Variants in FHIT observed in about 807,000 individuals in gnomAD.
The protein encoded by FHIT is bis(5'-adenosyl)-triphosphatase.
FHIT carries 19 observed loss-of-function variants against 17.9 expected under a neutral mutation model. That is an observed-to-expected ratio of 1.06 (90% CI 0.74 to 1.56). FHIT has a LOEUF of 1.56. Ranked by LOEUF, FHIT falls within the 40% of genes most tolerant of loss-of-function variation. The pLI, the probability that FHIT is intolerant of heterozygous loss-of-function variation, is 0.00. For missense variants in FHIT, 248 were observed against 189.2 expected, an observed-to-expected ratio of 1.31 and a Z score of -1.82; for synonymous variants, 81 against 69.7, an observed-to-expected ratio of 1.16 and a Z score of -0.81.
At chr3:61,098,381 A>G (rs372992232) in intron 2 of FHIT, among the ~76,000 whole-genome samples, 7 of 152,252 alleles carry the variant, frequency 4.6e-5, no homozygotes, top group African/African-American at 1.7e-4. Context: ...ATTGGGTAGC[A>G]TGATGCCTCC....
intron 3 of FHIT, among the ~76,000 whole-genome samples, chr3:60,903,302 C>T (rs17683604): frequency 0.054 from 8,256 of 152,202 alleles, 269 homozygotes; most frequent in South Asian, 0.094. Context: ...TGAGTATATT[C>T]TTGTGTTAGG....
At chr3:60,387,363 T>C (rs905670139) in intron 5 of FHIT, among the ~76,000 whole-genome samples, 40 of 152,266 alleles carry the variant, frequency 2.6e-4, no homozygotes, top group African/African-American at 9.6e-4. Context: ...TGTTCACCTC[T>C]GTTTCTATTA....
intron 3 of FHIT, among the ~76,000 whole-genome samples, chr3:61,004,144 AAAG>A (rs1559902253): frequency 6.6e-6 from 1 of 152,178 alleles, no homozygotes. Flanking sequence ...TGTGCAAGTG[AAAG>A]AAGGTGAGCA....
chr3:60,441,782 AAATATATAT>A (rs1236830324), intron 5 of FHIT, among the ~76,000 whole-genome samples: 162 of 10,138 alleles, frequency 0.016, no homozygotes, highest in Non-Finnish European at 0.047. Flanking sequence ...ATATGTATAA[AAATATATAT>A]ATATATATAT....
intron 5 of FHIT, among the ~76,000 whole-genome samples, chr3:60,167,876 A>T (rs1338139175): frequency 6.6e-6 from 1 of 152,106 alleles, no homozygotes; most frequent in African/African-American, 2.4e-5. Context: ...ACAGACAAAA[A>T]GCAAAATTAG....
At chr3:60,672,970 A>G (rs146351451) in intron 4 of FHIT, among the ~76,000 whole-genome samples, 2 of 150,322 alleles carry the variant, frequency 1.3e-5, no homozygotes, top group Admixed American at 6.7e-5. Context: ...TAAAATTAAT[A>G]TTATACTATC....
At chr3:60,779,269 C>T (rs1315506384) in intron 4 of FHIT, among the ~76,000 whole-genome samples, 2 of 152,136 alleles carry the variant, frequency 1.3e-5, no homozygotes, top group South Asian at 2.1e-4. Context: ...TCATTAAATG[C>T]TAAACTCATT....
chr3:60,061,068 C>G (rs1037768460), intron 5 of FHIT, among the ~76,000 whole-genome samples: 8 of 152,252 alleles, frequency 5.3e-5, no homozygotes, highest in South Asian at 2.1e-4. Context: ...CTGTCATGCT[C>G]CATTCAGACC....
chr3:60,524,733 G>A (rs1336308068), intron 5 of FHIT, among the ~76,000 whole-genome samples: 6 of 151,990 alleles, frequency 3.9e-5, no homozygotes, highest in East Asian at 1.9e-4. Context: ...CTGCCTTCAC[G>A]ATCATGTTGT....
intron 5 of FHIT, among the ~76,000 whole-genome samples, chr3:60,395,913 A>G (rs1701421743): frequency 6.6e-6 from 1 of 152,156 alleles, no homozygotes; most frequent in Non-Finnish European, 1.5e-5. Flanking sequence ...CTTAGATTCC[A>G]TCCTTAAAAA....
At chr3:60,935,384 G>T (rs1381872226) in intron 3 of FHIT, among the ~76,000 whole-genome samples, 1 of 152,126 alleles carries the variant, frequency 6.6e-6, no homozygotes, top group African/African-American at 2.4e-5. Context: ...GGAAAACAGA[G>T]TAATGATACA....
At chr3:60,553,336 C>G in intron 4 of FHIT, 2 of 911,276 alleles carry the variant, frequency 2.2e-6, no homozygotes, top group Non-Finnish European at 2.6e-6. Context: ...CTACCTATGA[C>G]TCAAGTGAGG....
At chr3:60,794,370 A>AC in intron 4 of FHIT, among the ~76,000 whole-genome samples, 1 of 145,632 alleles carries the variant, frequency 6.9e-6, no homozygotes, top group African/African-American at 2.6e-5. Flanking sequence ...GAAGGGAAGG[A>AC]AAAATGGATG....
intron 3 of FHIT, among the ~76,000 whole-genome samples, chr3:60,898,237 C>T (rs1409877377): frequency 6.6e-6 from 1 of 152,046 alleles, no homozygotes; most frequent in African/African-American, 2.4e-5. Context: ...TGGTATTATA[C>T]TGTATAAAGA....
chr3:61,228,698 T>C (rs1459605370), intron 1 of FHIT, among the ~76,000 whole-genome samples: 3 of 152,176 alleles, frequency 2.0e-5, no homozygotes, highest in Admixed American at 2.0e-4. Flanking sequence ...GAAAGGCATA[T>C]TTTAGGAGGA....
intron 3 of FHIT, among the ~76,000 whole-genome samples, chr3:60,889,048 G>A (rs192550610): frequency 1.6e-4 from 24 of 151,874 alleles, no homozygotes; most frequent in Admixed American, 1.5e-3. Context: ...ACTCCACCCC[G>A]ACTCATTCCA....
intron 2 of FHIT, among the ~76,000 whole-genome samples, chr3:61,122,969 G>A (rs889760102): frequency 4.6e-5 from 7 of 152,134 alleles, no homozygotes; most frequent in Non-Finnish European, 1.0e-4. Context: ...TCTAGAACCA[G>A]AAATACCATC....
intron 5 of FHIT, among the ~76,000 whole-genome samples, chr3:60,433,222 T>C (rs528733742): frequency 3.9e-5 from 6 of 152,142 alleles, no homozygotes; most frequent in Non-Finnish European, 8.8e-5. Context: ...TTCAGGTTCA[T>C]CTACATTATC....
At chr3:60,770,120 T>C (rs1038677482) in intron 4 of FHIT, among the ~76,000 whole-genome samples, 2 of 152,188 alleles carry the variant, frequency 1.3e-5, no homozygotes, top group African/African-American at 4.8e-5. Flanking sequence ...TACTGCCGTG[T>C]GCCATGGTAA....
Sources: allele counts gnomAD v4.1 joint callset (sites outside exome capture counted in the v4.1 genomes callset), GRCh38; gene constraint gnomAD v4.1.1; transcripts MANE v1.5; gene names NCBI Gene and HGNC (gene_info 2026-07-23, HGNC 2026-07-21).